RIMS2: variants seen among roughly 807,000 people sequenced by gnomAD.
The protein encoded by RIMS2 is regulating synaptic membrane exocytosis protein 2.
Under a neutral mutation model 174.4 loss-of-function variants are expected in RIMS2, and 59 were observed. The observed-to-expected ratio is 0.34, with a 90% CI of 0.27 to 0.42. RIMS2 has a LOEUF of 0.42. Ranked by LOEUF, RIMS2 falls within the 10% of genes least tolerant of loss-of-function variation. The probability of loss-of-function intolerance (pLI) is 1.00; values close to 1 mark genes in which losing one functional copy is unlikely to be tolerated. For missense variants in RIMS2, 1,620 were observed against 1,666.3 expected (o/e 0.97, Z 0.48); for synonymous variants, 606 against 572.5 (o/e 1.06, Z -0.84).
At chr8:103,874,672 G>A (rs1315290714) in intron 3 of RIMS2, among the ~76,000 whole-genome samples, 1 of 151,920 alleles carries the variant, frequency 6.6e-6, no homozygotes, top group Non-Finnish European at 1.5e-5. Context: ...ACGTAATTTG[G>A]AGGAATTTAT....
At chr8:103,544,893 T>C (rs563695794) in intron 1 of RIMS2, among the ~76,000 whole-genome samples, 1 of 151,484 alleles carries the variant, frequency 6.6e-6, no homozygotes, top group Non-Finnish European at 1.5e-5. Flanking sequence ...AAAAAACACA[T>C]CCAAAGAACA....
chr8:103,754,839 G>T (rs1262687068), intron 2 of RIMS2, among the ~76,000 whole-genome samples: 1 of 151,988 alleles, frequency 6.6e-6, no homozygotes, highest in African/African-American at 2.4e-5. Flanking sequence ...ACGTGAGATG[G>T]GTCTCCTGAA....
At chr8:103,708,794 TTG>T (rs2097265163) in intron 2 of RIMS2, among the ~76,000 whole-genome samples, 1 of 152,168 alleles carries the variant, frequency 6.6e-6, no homozygotes, top group African/African-American at 2.4e-5. Context: ...GTATTTTTCT[TTG>T]TGTCTCTTTG....
At chr8:104,044,503 TTAA>T (rs1383527236) in intron 19 of RIMS2, among the ~76,000 whole-genome samples, 1 of 147,080 alleles carries the variant, frequency 6.8e-6, no homozygotes, top group Non-Finnish European at 1.5e-5. Context: ...GAGGAGAGGA[TTAA>T]TAATGGAAGC....
intron 3 of RIMS2, among the ~76,000 whole-genome samples, chr8:103,807,386 G>A (rs2154460025): frequency 6.6e-6 from 1 of 152,222 alleles, no homozygotes; most frequent in Non-Finnish European, 1.5e-5. Flanking sequence ...TAATTGGTGA[G>A]AACAATCTCA....
intron 3 of RIMS2, among the ~76,000 whole-genome samples, chr8:103,854,898 C>A (rs896446817): frequency 2.0e-5 from 3 of 151,122 alleles, no homozygotes. Context: ...TAGGGAGGAG[C>A]CTCTCACTTC....
intron 19 of RIMS2, among the ~76,000 whole-genome samples, chr8:104,174,061 C>T (rs1452518316): frequency 6.6e-6 from 1 of 151,660 alleles, no homozygotes; most frequent in African/African-American, 2.4e-5. Context: ...ATTCTCCTGC[C>T]CTAGCCTCCC....
chr8:103,964,257 T>A (rs924811032), intron 15 of RIMS2, among the ~76,000 whole-genome samples: 1 of 152,188 alleles, frequency 6.6e-6, no homozygotes, highest in Non-Finnish European at 1.5e-5. Flanking sequence ...GTCTGTACCA[T>A]TTTGCATTCC....
intron 19 of RIMS2, among the ~76,000 whole-genome samples, chr8:104,208,835 C>G (rs1289157836): frequency 6.6e-6 from 1 of 152,190 alleles, no homozygotes; most frequent in Non-Finnish European, 1.5e-5. Context: ...CCACGCCCAG[C>G]CTGATAGACA....
At chr8:103,732,840 C>T (rs2097623677) in intron 2 of RIMS2, among the ~76,000 whole-genome samples, 1 of 152,148 alleles carries the variant, frequency 6.6e-6, no homozygotes, top group Non-Finnish European at 1.5e-5. Context: ...TCAGGGTAGT[C>T]AGTTCCCTTT....
intron 19 of RIMS2, among the ~76,000 whole-genome samples, chr8:104,152,343 C>T (rs1173137201): frequency 6.6e-6 from 1 of 152,058 alleles, no homozygotes; most frequent in African/African-American, 2.4e-5. Flanking sequence ...TACCTACTCC[C>T]CTTAATAGAT....
In RIMS2 at chr8:103,793,333, A is replaced by G. The variant is rs532976883; in HGVS notation, c.698+26796A>G. 2.0e-4 allele frequency among the ~76,000 whole-genome samples: 30 copies of G among 152,300 alleles called. No individual in the cohort carries two copies. In the South Asian group the frequency reaches 4.6e-3, roughly 23 times the overall value. ...TAAACAGAACCAAGACAAAAACCAC[A>G]TGATTATCTCAATAGATGCAGAAAA... On this transcript the variant is annotated intron_variant, in intron 3 of 23. Coordinates refer to ENST00000504942, the Ensembl canonical transcript of RIMS2.
chr8:104,173,213 C>A (rs537548160), intron 19 of RIMS2, among the ~76,000 whole-genome samples: 7 of 152,090 alleles, frequency 4.6e-5, no homozygotes, highest in African/African-American at 1.7e-4. Flanking sequence ...AATACTCATA[C>A]GTTAAAGAAA....
intron 1 of RIMS2, among the ~76,000 whole-genome samples, chr8:103,685,753 A>G (rs753737140): frequency 3.9e-5 from 6 of 152,170 alleles, no homozygotes; most frequent in Non-Finnish European, 7.3e-5. Context: ...TCTTCAAATC[A>G]GGTACTTTGA....
chr8:103,571,416 G>A (rs565902926), intron 1 of RIMS2, among the ~76,000 whole-genome samples: 29 of 152,266 alleles, frequency 1.9e-4, no homozygotes, highest in African/African-American at 5.5e-4. Context: ...GATGTTAATG[G>A]AGATGGAATA....
At chr8:103,611,685 C>T (rs28800917) in intron 1 of RIMS2, among the ~76,000 whole-genome samples, 39,438 of 127,008 alleles carry the variant, frequency 0.31, 5,537 homozygotes, top group African/African-American at 0.39. Context: ...TTTTTTTTTT[C>T]CTGCTTTTAG....
intron 1 of RIMS2, among the ~76,000 whole-genome samples, chr8:103,678,906 T>C (rs1311362972): frequency 6.6e-6 from 1 of 152,060 alleles, no homozygotes; most frequent in African/African-American, 2.4e-5. Flanking sequence ...TTTTTAAGGA[T>C]TGGCAATAAA....
chr8:103,569,563 C>A (rs542910783), intron 1 of RIMS2, among the ~76,000 whole-genome samples: 2 of 152,112 alleles, frequency 1.3e-5, no homozygotes, highest in African/African-American at 4.8e-5. Context: ...TTTCAGTATA[C>A]AAATCTTACA....
chr8:104,201,036 A>G (rs1394556615), intron 19 of RIMS2, among the ~76,000 whole-genome samples: 1 of 152,144 alleles, frequency 6.6e-6, no homozygotes, highest in African/African-American at 2.4e-5. Context: ...ACATGGGTAA[A>G]TTGCATCACT....
Sources: allele counts gnomAD v4.1 joint callset (sites outside exome capture counted in the v4.1 genomes callset), GRCh38; gene constraint gnomAD v4.1.1; transcripts MANE v1.5; gene names NCBI Gene and HGNC (gene_info 2026-07-23, HGNC 2026-07-21).